CCNH: variants seen among roughly 807,000 people sequenced by gnomAD.
CCNH encodes the protein cyclin H.
Under a neutral mutation model 41.9 loss-of-function variants are expected in CCNH, and 31 were observed. The ratio of observed to expected loss-of-function variants is 0.74; its 90% confidence interval spans 0.56 to 1.00. The LOEUF is 1.00. CCNH is among the 50% of genes least tolerant of loss of function. The pLI, the probability that CCNH is intolerant of heterozygous loss-of-function variation, is 0.00. For missense variants in CCNH, 362 were observed against 388.4 expected, an observed-to-expected ratio of 0.93 and a Z score of 0.57; for synonymous variants, 138 against 136.1, an observed-to-expected ratio of 1.01 and a Z score of -0.10.
At chr5:87,329,638 A>C (rs1435874044) in intron 9 of CCNH, among the ~76,000 whole-genome samples, 1 of 152,174 alleles carries the variant, frequency 6.6e-6, no homozygotes, top group Non-Finnish European at 1.5e-5. Context: ...CCTAAGACAT[A>C]ACAGAAATTT....
chr5:87,335,065 A>G (rs1322250995), intron 9 of CCNH, among the ~76,000 whole-genome samples: 2 of 152,126 alleles, frequency 1.3e-5, no homozygotes, highest in African/African-American at 4.8e-5. Context: ...GTAATTTAGT[A>G]GAGATGGGGT....
At chr5:87,398,169 TA>T (rs955856291) in intron 7 of CCNH, among the ~76,000 whole-genome samples, 1 of 152,218 alleles carries the variant, frequency 6.6e-6, no homozygotes, top group African/African-American at 2.4e-5. Context: ...AGTTCTATGC[TA>T]AAACATGCTT....
intron 9 of CCNH, among the ~76,000 whole-genome samples, chr5:87,344,023 A>T (rs1348016280): frequency 6.6e-6 from 1 of 152,104 alleles, no homozygotes; most frequent in African/African-American, 2.4e-5. Context: ...TAGAAAATTA[A>T]CTCAGGGAGA....
At chr5:87,336,552 A>T (rs576937876) in intron 9 of CCNH, among the ~76,000 whole-genome samples, 2 of 152,264 alleles carry the variant, frequency 1.3e-5, no homozygotes, top group East Asian at 3.9e-4. Flanking sequence ...AACACAAAAT[A>T]ATATAGAATG....
intron 2 of CCNH, 101 bp downstream of exon 2, chr5:87,411,123 T>G: frequency 1.6e-6 from 2 of 1,227,502 alleles, no homozygotes; most frequent in Non-Finnish European, 2.2e-6. Context: ...TAATTGTAAC[T>G]AAGGTGAATT....
chr5:87,404,524 TAA>T (rs1763645604), intron 5 of CCNH, among the ~76,000 whole-genome samples: 1 of 152,148 alleles, frequency 6.6e-6, no homozygotes, highest in African/African-American at 2.4e-5. Flanking sequence ...AGAAGGGGAA[TAA>T]AGATAAAACA....
At chr5:87,357,463 T>C (rs2112442384) in intron 9 of CCNH, among the ~76,000 whole-genome samples, 1 of 152,272 alleles carries the variant, frequency 6.6e-6, no homozygotes, top group African/African-American at 2.4e-5. Context: ...TTCCCCATAC[T>C]GAATTTGTAC....
chr5:87,384,380 T>C (rs1291848261), intron 9 of CCNH, among the ~76,000 whole-genome samples: 1 of 152,166 alleles, frequency 6.6e-6, no homozygotes, highest in Non-Finnish European at 1.5e-5. Context: ...GGGATATTTG[T>C]GACTTTGAAT....
chr5:87,366,159 GAT>G (rs1354909377), intron 9 of CCNH, among the ~76,000 whole-genome samples: 1 of 152,122 alleles, frequency 6.6e-6, no homozygotes, highest in South Asian at 2.1e-4. Context: ...AATACAAAAA[GAT>G]ATGTGTCTTG....
chr5:87,323,443 C>T (rs2112342889), intron 9 of CCNH, among the ~76,000 whole-genome samples: 1 of 152,218 alleles, frequency 6.6e-6, no homozygotes, highest in South Asian at 2.1e-4. Flanking sequence ...TTCCCCTGCC[C>T]TGTGCTCATA....
downstream of CCNH, chr5:87,392,358 T>G (rs1017094138): frequency 6.6e-6 from 3 of 455,962 alleles, no homozygotes; most frequent in South Asian, 4.6e-5. Context: ...CTAACCTATG[T>G]GGCTTCAATC....
At chr5:87,338,457 AGCTAGCTGGGATT>A (rs1020261413) in intron 9 of CCNH, among the ~76,000 whole-genome samples, 5 of 144,776 alleles carry the variant, frequency 3.5e-5, no homozygotes, top group African/African-American at 1.3e-4. Context: ...TCAGCCACCC[AGCTAGCTGGGATT>A]ACAGACATGT....
intron 9 of CCNH, among the ~76,000 whole-genome samples, chr5:87,345,267 A>T (rs1031193839): frequency 9.9e-5 from 15 of 152,206 alleles, no homozygotes; most frequent in Non-Finnish European, 1.8e-4. Context: ...AACTCTTTAG[A>T]AAGAGATATT....
chr5:87,363,421 C>T lies in CCNH; in HGVS notation c.*90+29349G>A, dbSNP rs777268855. 3.7e-6 allele frequency: 6 copies of T among 1,610,396 alleles called. No homozygotes were observed. The East Asian group carries it at 6.7e-5, about 18-fold the overall frequency. ...ATGCCCAACTTATTTATTTTGAAAG[C>T]GAAAAACGAGCTACCAAACCAAAAG... On this transcript the variant is annotated intron_variant and NMD_transcript_variant, in intron 9 of 9. Transcript: ENST00000645953.
At chr5:87,362,894 C>T (rs1345350371) in intron 9 of CCNH, among the ~76,000 whole-genome samples, 1 of 149,186 alleles carries the variant, frequency 6.7e-6, no homozygotes, top group African/African-American at 2.5e-5. Context: ...TTCTTTTTTT[C>T]TTTCTTTCTT....
intron 9 of CCNH, among the ~76,000 whole-genome samples, chr5:87,359,227 T>C (rs1759887274): frequency 6.6e-6 from 1 of 152,176 alleles, no homozygotes; most frequent in South Asian, 2.1e-4. Context: ...TAAGTCTGTC[T>C]TCAGGAGCTT....
chr5:87,325,061 C>T (rs1461327313), intron 9 of CCNH, among the ~76,000 whole-genome samples: 1 of 152,076 alleles, frequency 6.6e-6, no homozygotes, highest in Non-Finnish European at 1.5e-5. Flanking sequence ...TTAATTGACT[C>T]ATAGTTCCGC....
intron 9 of CCNH, among the ~76,000 whole-genome samples, chr5:87,327,069 G>A (rs574586821): frequency 6.6e-6 from 1 of 152,182 alleles, no homozygotes; most frequent in East Asian, 1.9e-4. Context: ...CTGTGATACT[G>A]GTTTGATATT....
At chr5:87,312,524 CAG>C in the CCNH span, among the ~76,000 whole-genome samples, 1 of 152,138 alleles carries the variant, frequency 6.6e-6, no homozygotes, top group Non-Finnish European at 1.5e-5. Context: ...CCTACAGAAA[CAG>C]AAGTTCTTTA....
Sources: allele counts gnomAD v4.1 joint callset (sites outside exome capture counted in the v4.1 genomes callset), GRCh38; gene constraint gnomAD v4.1.1; transcripts MANE v1.5; gene names NCBI Gene and HGNC (gene_info 2026-07-23, HGNC 2026-07-21).